RASGEF1B: variants seen among roughly 807,000 people sequenced by gnomAD.
RASGEF1B encodes the protein ras-GEF domain-containing family member 1B.
RASGEF1B carries 30 observed loss-of-function variants against 65.7 expected under a neutral mutation model. The ratio of observed to expected loss-of-function variants is 0.46; its 90% CI spans 0.34 to 0.62. The LOEUF is 0.62. Among genes scored for constraint, RASGEF1B ranks in the 20% least tolerant of loss-of-function variants. RASGEF1B has a pLI of 0.01. For missense variants in RASGEF1B, 495 were observed against 580.1 expected, an observed-to-expected ratio of 0.85 and a Z score of 1.51; for synonymous variants, 175 against 194.8, an observed-to-expected ratio of 0.90 and a Z score of 0.85.
chr4:81,468,702 C>T (rs1722930054), intron 1 of RASGEF1B, among the ~76,000 whole-genome samples: 1 of 152,190 alleles, frequency 6.6e-6, no homozygotes, highest in Non-Finnish European at 1.5e-5. Context: ...AAATTTCACT[C>T]TCCTCTCTTC....
Position 81,447,949 on chromosome 4 carries a change from G to A in RASGEF1B, c.654+120C>T, listed in dbSNP as rs977789767. On this transcript the variant is annotated intron_variant, in intron 5 of 13. Transcript: ENST00000264400. Reference sequence around the variant, plus strand: ...AAAGTATGTTTCAGCTATCTCAGATGATTTCCCACTTGGATTATTCTGACC... The same window carrying A: ...AAAGTATGTTTCAGCTATCTCAGATAATTTCCCACTTGGATTATTCTGACC... 2.8e-5 allele frequency: 22 copies of A among 783,430 alleles called. No individual in the cohort carries two copies. The African/African-American group carries it at 2.9e-4, about 10-fold the overall frequency. 48.5% of individuals were successfully genotyped at this position (783,430 alleles called of 1,614,324 possible).
intron 2 of RASGEF1B, 53 bp from the exon 3 acceptor site, chr4:81,457,674 C>A: frequency 6.3e-7 from 1 of 1,598,500 alleles, no homozygotes. Flanking sequence ...AAATTAATAT[C>A]TTGCCTTTAT....
At chr4:81,459,542 T>C (rs2109992532) in intron 1 of RASGEF1B, 28 bp from the exon 2 acceptor site, 1 of 1,506,276 alleles carries the variant, frequency 6.6e-7, no homozygotes, top group Non-Finnish European at 8.9e-7. Context: ...GAAGAAAAAA[T>C]AATGTCAGCA....
At chr4:81,434,874 T>C (rs1721557125) in intron 10 of RASGEF1B, 140 bp from the exon 11 acceptor site, 1 of 613,684 alleles carries the variant, frequency 1.6e-6, no homozygotes, top group Non-Finnish European at 2.9e-6. Context: ...TTTTGTTTCT[T>C]ACACAACAGC....
chr4:81,443,267 T>C (rs1259835051), intron 8 of RASGEF1B, among the ~76,000 whole-genome samples: 1 of 152,228 alleles, frequency 6.6e-6, no homozygotes, highest in Non-Finnish European at 1.5e-5. Flanking sequence ...GGACCAGAAG[T>C]GGGAGATTGC....
intron 1 of RASGEF1B, among the ~76,000 whole-genome samples, chr4:81,466,768 AAAAAAGAAAG>A (rs1722831159): frequency 7.3e-6 from 1 of 136,102 alleles, no homozygotes; most frequent in Admixed American, 7.4e-5. Flanking sequence ...CAAAAAAAAA[AAAAAAGAAAG>A]AAAGAAAGAA....
Position 81,427,714 on chromosome 4 carries a change from C to T in RASGEF1B, c.*54G>A. 1 of 1,608,926 alleles carries T rather than the reference C, an allele frequency of 6.2e-7. No homozygotes were observed. The highest frequency in any genetic ancestry group is 8.5e-7 in the Non-Finnish European group (1 of 1,177,266). ...GAGATGCCAGAAAACAAAGGCCAGC[C>T]CCTCCATGATCTGCAGGAAGCAGCA... is the stretch of plus-strand genomic sequence containing the variant. On this transcript the variant is annotated 3_prime_UTR_variant, in exon 14 of 14. Transcript: ENST00000264400.
At chr4:81,447,057 A>G (rs1722051913) in intron 6 of RASGEF1B, among the ~76,000 whole-genome samples, 1 of 152,152 alleles carries the variant, frequency 6.6e-6, no homozygotes, top group East Asian at 1.9e-4. Context: ...CTCATGAGAG[A>G]TTCACCTTAA....
chr4:81,444,367 T>G (rs1446630599), intron 8 of RASGEF1B, among the ~76,000 whole-genome samples: 1 of 152,154 alleles, frequency 6.6e-6, no homozygotes, highest in Non-Finnish European at 1.5e-5. Flanking sequence ...AATAATAAGC[T>G]GAGACTTGGC....
chr4:81,447,775 T>C (rs1353924392), intron 5 of RASGEF1B, among the ~76,000 whole-genome samples, 197 bp from the exon 6 acceptor site: 2 of 152,012 alleles, frequency 1.3e-5, no homozygotes, highest in Non-Finnish European at 2.9e-5. Flanking sequence ...TTCCACAAGA[T>C]AGTGAAAGGC....
At chr4:81,440,492 A>C (rs1478994367) in intron 10 of RASGEF1B, among the ~76,000 whole-genome samples, 1 of 152,232 alleles carries the variant, frequency 6.6e-6, no homozygotes, top group Non-Finnish European at 1.5e-5. Context: ...TACCTTGTGC[A>C]GAGCTTAAAT....
intron 9 of RASGEF1B, among the ~76,000 whole-genome samples, 187 bp from the exon 10 acceptor site, chr4:81,441,116 G>T (rs1721819226): frequency 1.3e-5 from 2 of 152,120 alleles, no homozygotes; most frequent in South Asian, 4.1e-4. Flanking sequence ...CTGAGATTTG[G>T]TGTAATTATG....
intron 7 of RASGEF1B, 44 bp downstream of exon 7, chr4:81,445,699 A>G: frequency 6.3e-7 from 1 of 1,591,898 alleles, no homozygotes; most frequent in Non-Finnish European, 8.6e-7. Context: ...TAAGTATGAA[A>G]AAATAATGTT....
At chr4:81,452,879 T>G (rs547910743) in intron 4 of RASGEF1B, 3 of 152,262 alleles carry the variant, frequency 2.0e-5, no homozygotes, top group Admixed American at 6.5e-5. Flanking sequence ...AACCACTTCA[T>G]TTTGGGCAAA....
intron 4 of RASGEF1B, among the ~76,000 whole-genome samples, chr4:81,449,082 G>A (rs555460905): frequency 2.6e-5 from 4 of 152,296 alleles, no homozygotes; most frequent in East Asian, 1.9e-4. Context: ...AAAGTGCGGG[G>A]ATTACAGGCA....
intron 4 of RASGEF1B, 130 bp from the exon 5 acceptor site, chr4:81,448,414 G>A (rs1161518896): frequency 1.9e-5 from 14 of 746,062 alleles, no homozygotes; most frequent in East Asian, 2.6e-5. Context: ...GGGCAGTTAC[G>A]GGAAGATTCA....
chr4:81,441,237 T>C (rs1721824361), intron 9 of RASGEF1B, among the ~76,000 whole-genome samples: 1 of 152,076 alleles, frequency 6.6e-6, no homozygotes, highest in Admixed American at 6.5e-5. Context: ...TCAGAAAAAT[T>C]TCCTGTTTGC....
At chr4:81,447,817 G>A (rs546984667) in intron 5 of RASGEF1B, among the ~76,000 whole-genome samples, 10 of 152,214 alleles carry the variant, frequency 6.6e-5, no homozygotes, top group Non-Finnish European at 1.2e-4. Context: ...GATTAGAGGC[G>A]GAAGGTGAGG....
chr4:81,464,732 C>T (rs138307998), intron 1 of RASGEF1B, among the ~76,000 whole-genome samples: 1 of 152,294 alleles, frequency 6.6e-6, no homozygotes, highest in African/African-American at 2.4e-5. Context: ...GGAAGAAGAA[C>T]ATGGTGGCTC....
Sources: allele counts gnomAD v4.1 joint callset (sites outside exome capture counted in the v4.1 genomes callset), GRCh38; gene constraint gnomAD v4.1.1; transcripts MANE v1.5; gene names NCBI Gene and HGNC (gene_info 2026-07-23, HGNC 2026-07-21).